The following CERT1 variants were observed in gnomAD, a reference collection of about 807,000 sequenced individuals.
CERT1 encodes the protein ceramide transfer protein.
A neutral mutation model predicts 87.9 loss-of-function variants in CERT1; 31 were observed. That is an observed-to-expected ratio of 0.35 (90% confidence interval 0.27 to 0.48). The LOEUF (loss-of-function observed/expected upper bound fraction) is 0.48, where lower values mean the gene tolerates loss of function less well. Among genes scored for constraint, CERT1 ranks in the 20% least tolerant of loss-of-function variants. CERT1 has a pLI of 0.99. For synonymous variants in CERT1, 289 were observed against 250.9 expected (o/e 1.15, Z -1.44); for missense variants, 487 against 758.0 (o/e 0.64, Z 4.20).
At chr5:75,504,449 T>C (rs2112470106) in intron 2 of CERT1, among the ~76,000 whole-genome samples, 1 of 152,318 alleles carries the variant, frequency 6.6e-6, no homozygotes, top group South Asian at 2.1e-4. Flanking sequence ...AACTTTTGTT[T>C]TCAAACTTTG....
In CERT1 at chr5:75,425,497, T is replaced by C; in HGVS notation, c.459A>G (p.Lys153=). The part of the protein sequence containing the change: ...YSATSTSSFK[K]GHSLREKLAE... ...CCAACTTCTCACGTAAACTGTGGCCTTTCTGCAAAACATAAAATAGGGGGA... is the reference window on the plus strand; with the variant it reads ...CCAACTTCTCACGTAAACTGTGGCCCTTCTGCAAAACATAAAATAGGGGGA... The change falls in exon 5 of 17, where the codon AAA becomes AAG. Residue 153 remains lysine (K), a splice_region_variant and synonymous_variant. Coordinates refer to ENST00000643780, the MANE Select transcript of CERT1 (RefSeq NM_001379029.1). 3 of 1,612,140 alleles carry C rather than the reference T, an allele frequency of 1.9e-6. No individual in the cohort carries two copies. The highest frequency in any genetic ancestry group is 2.5e-6 in the Non-Finnish European group (3 of 1,179,512).
intron 9 of CERT1, chr5:75,401,172 A>C (rs1762458639): frequency 6.6e-6 from 1 of 152,168 alleles, no homozygotes; most frequent in Admixed American, 6.5e-5. Context: ...GGCAAGAAAA[A>C]CAATGCTCTG....
rs1765765082 is a variant in CERT1 at position 75,472,596 on chromosome 5, A to C, written c.232-13415T>G. 5.3e-5 allele frequency among the ~76,000 whole-genome samples: 8 copies of C among 152,226 alleles called. 1 individual carries two copies. The highest frequency in any genetic ancestry group is 5.2e-4 in the Admixed American group (8 of 15,280). On this transcript the variant is annotated intron_variant, in intron 2 of 16. Transcript: ENST00000643780. ...ACAAGAAAATAACCCAATTAAAAAA[A>C]TGCACAAACACCTGAACAAACATTT... is the stretch of plus-strand genomic sequence containing the variant.
chr5:75,448,930 A>C (rs1446574127), intron 3 of CERT1, among the ~76,000 whole-genome samples: 2 of 152,178 alleles, frequency 1.3e-5, no homozygotes, highest in African/African-American at 4.8e-5. Context: ...TAGAGAAATA[A>C]GCTGAAAATC....
At chr5:75,434,055 C>T (rs1339546371) in intron 3 of CERT1, among the ~76,000 whole-genome samples, 2 of 152,198 alleles carry the variant, frequency 1.3e-5, no homozygotes, top group East Asian at 1.9e-4. Context: ...GAGTGGACAT[C>T]CTTGTCTTTT....
Position 75,381,141 on chromosome 5 carries a change from T to A in CERT1, c.1678A>T (p.Ser560Cys). ...NVAMICQTLV[S>C]PPEGNQEISR... The stretch of plus-strand genomic sequence containing the variant: ...ATTTCCTGGTTTCCCTCTGGTGGGC[T>A]TACCAAGGTTTGACAAATCATAGCA... Residue 560 changes from serine to cysteine, a missense_variant, in exon 16 of 17, where the codon AGC becomes TGC. Physicochemically the swap from Ser to Cys is moderately radical, Grantham distance 112 (BLOSUM62 -1). Transcript: ENST00000643780. 1.9e-6 allele frequency: 3 copies of A among 1,614,142 alleles called. No homozygotes were observed. The highest frequency in any genetic ancestry group is 2.5e-6 in the Non-Finnish European group (3 of 1,180,000).
Position 75,509,792 on chromosome 5 carries a change from T to G in CERT1, c.96+1320A>C, listed in dbSNP as rs1232691676. ...AAGTAACCCACTTCCTATTACCAAC[T>G]GAAAATGTATACCTACTACACAATG... On this transcript the variant is annotated intron_variant, in intron 1 of 16. Transcript: ENST00000643780. Among the ~76,000 whole-genome samples, 3 of 152,174 alleles carry G rather than the reference T, an allele frequency of 2.0e-5. No homozygotes were observed. In the East Asian group the frequency reaches 5.8e-4, roughly 29 times the overall value.
intron 3 of CERT1, among the ~76,000 whole-genome samples, chr5:75,447,445 A>AAATT (rs1554041350): frequency 6.7e-6 from 1 of 148,924 alleles, no homozygotes; most frequent in African/African-American, 2.5e-5. Context: ...TTTTAAAAAA[A>AAATT]ATTTATTTAT....
At chr5:75,481,371 T>C (rs984441251) in intron 2 of CERT1, among the ~76,000 whole-genome samples, 2 of 152,198 alleles carry the variant, frequency 1.3e-5, no homozygotes, top group African/African-American at 4.8e-5. Flanking sequence ...CTACAAATGA[T>C]ATAAATTTGA....
intron 3 of CERT1, among the ~76,000 whole-genome samples, chr5:75,451,054 C>T (rs1305622848): frequency 3.3e-5 from 5 of 152,102 alleles, no homozygotes; most frequent in South Asian, 2.1e-4. Context: ...TATAAACCCT[C>T]GACAACTGAA....
intron 2 of CERT1, among the ~76,000 whole-genome samples, chr5:75,476,676 G>T (rs888372037): frequency 5.3e-5 from 8 of 152,092 alleles, no homozygotes; most frequent in African/African-American, 1.4e-4. Context: ...AGGTAGTTAG[G>T]TAATCAAAAT....
rs34990170 is a variant in CERT1, at chr5:75,409,219, CTCA to C, written c.930+1789_930+1791del. 7.3e-3 allele frequency among the ~76,000 whole-genome samples: 1,115 copies of C among 151,772 alleles called. 13 individuals carry two copies. The highest frequency in any genetic ancestry group is 0.05 in the East Asian group (260 of 5,172). On this transcript the variant is annotated intron_variant, in intron 8 of 16. Coordinates refer to ENST00000643780, the MANE Select transcript of CERT1 (RefSeq NM_001379029.1). ...AAAACAAAAATCATCATTATAATAC[CTCA>C]TATTAAAACCTCAGAGGATAGCTAA...
At chr5:75,463,135 A>T (rs183818804) in intron 2 of CERT1, among the ~76,000 whole-genome samples, 1 of 152,288 alleles carries the variant, frequency 6.6e-6, no homozygotes, top group East Asian at 1.9e-4. Flanking sequence ...AATATAACAT[A>T]CATAACAGAA....
At chr5:75,461,209 T>A (rs1264731382) in intron 2 of CERT1, among the ~76,000 whole-genome samples, 2 of 152,194 alleles carry the variant, frequency 1.3e-5, no homozygotes, top group Non-Finnish European at 2.9e-5. Context: ...CAGCAGGCAG[T>A]AAGCAGCAGG....
intron 6 of CERT1, among the ~76,000 whole-genome samples, chr5:75,418,824 G>C (rs1182218931): frequency 1.3e-5 from 2 of 152,186 alleles, no homozygotes; most frequent in Non-Finnish European, 2.9e-5. Context: ...TTCAGGAATG[G>C]GGGAGAGAGG....
intron 2 of CERT1, among the ~76,000 whole-genome samples, chr5:75,489,054 T>C (rs1561298790): frequency 6.6e-6 from 1 of 152,082 alleles, no homozygotes; most frequent in Non-Finnish European, 1.5e-5. Context: ...AACAGATATA[T>C]AGACCAGAAC....
In CERT1 at chr5:75,445,972, G is replaced by A. The variant is rs544819205; in HGVS notation, c.348+13093C>T. 3.9e-5 allele frequency among the ~76,000 whole-genome samples: 6 copies of A among 152,300 alleles called. No homozygotes were observed. The South Asian group carries it at 1.0e-3, about 26-fold the overall frequency. The stretch of plus-strand genomic sequence containing the variant: ...AGGATACTCTGTATGTCTTTTGAAA[G>A]TTGATTTTATCTGTGAATCTCATTG... On this transcript the variant is annotated intron_variant, in intron 3 of 16. Coordinates refer to ENST00000643780, the MANE Select transcript of CERT1 (RefSeq NM_001379029.1).
chr5:75,478,785 C>G (rs1218874338), intron 2 of CERT1, among the ~76,000 whole-genome samples: 1 of 151,668 alleles, frequency 6.6e-6, no homozygotes, highest in Admixed American at 6.6e-5. Flanking sequence ...ACCCTCTACC[C>G]CCTATCTGAT....
At chr5:75,511,815 G>T (rs1330698544), upstream of CERT1, 1 of 1,551,338 alleles carries the variant, frequency 6.4e-7, no homozygotes, top group African/African-American at 1.4e-5. Context: ...AGAAAGGAGA[G>T]GGCGGGGTAG....
Sources: gnomAD v4.1 joint callset for allele counts (sites outside exome capture counted in the v4.1 genomes callset) on GRCh38, gnomAD v4.1.1 for gene constraint, MANE v1.5 for transcripts, NCBI Gene and HGNC (gene_info 2026-07-23, HGNC 2026-07-21) for gene names.